The following SMARCA2 variants were observed in gnomAD, a reference collection of about 807,000 sequenced individuals.
SMARCA2 encodes SWI/SNF-related matrix-associated actin-dependent regulator of chromatin subfamily A member 2.
Under a neutral mutation model 199.8 loss-of-function variants are expected in SMARCA2, and 61 were observed. The observed-to-expected ratio is 0.31, with a 90% CI of 0.25 to 0.38. The LOEUF is 0.38. SMARCA2 is among the 10% of genes least tolerant of loss of function. The pLI, the probability that SMARCA2 is intolerant of heterozygous loss-of-function variation, is 1.00. For missense variants in SMARCA2, 1,344 were observed against 2,012.2 expected, an observed-to-expected ratio of 0.67 and a Z score of 6.35; for synonymous variants, 935 against 732.0, an observed-to-expected ratio of 1.28 and a Z score of -4.48.
chr9:2,059,183 A>G (rs1820478917), intron 8 of SMARCA2, among the ~76,000 whole-genome samples: 1 of 152,000 alleles, frequency 6.6e-6, no homozygotes, highest in East Asian at 1.9e-4. Flanking sequence ...TGTGTGTGTG[A>G]TGTTATAATT....
chr9:2,035,870 A>T (rs1418546634), intron 3 of SMARCA2, among the ~76,000 whole-genome samples: 1 of 152,248 alleles, frequency 6.6e-6, no homozygotes, highest in East Asian at 1.9e-4. Context: ...AGTATAATGC[A>T]GTCCTATTTT....
chr9:2,051,872 T>G (rs1232702712), intron 5 of SMARCA2, among the ~76,000 whole-genome samples: 1 of 152,252 alleles, frequency 6.6e-6, no homozygotes, highest in African/African-American at 2.4e-5. Flanking sequence ...GTGGATTTTT[T>G]TCTTTACATC....
At position 2,100,096 on chromosome 9, in the gene SMARCA2, C is replaced by T. The variant is rs191257426; in HGVS notation, c.3079-1474C>T. On this transcript the variant is annotated intron_variant, in intron 21 of 33. Transcript: ENST00000349721. ...CCCTTGGAGGAAAAGCTGCAGGGAT[C>T]CAGGGAGGAGGGAAAGCAGAAAAGG... 4.2e-3 allele frequency among the ~76,000 whole-genome samples: 643 copies of T among 152,180 alleles called. 17 individuals are homozygous for T. The highest frequency in any genetic ancestry group is 0.04 in the Admixed American group (610 of 15,284).
chr9:2,033,069 C>A lies in SMARCA2; in HGVS notation c.343C>A (p.Gln115Lys). 6.2e-7 allele frequency: 1 copy of A among 1,614,064 alleles called. No homozygotes were observed. The highest frequency in any genetic ancestry group is 8.5e-7 in the Non-Finnish European group (1 of 1,179,962). ...GMGPPQSPMDQHSQGYMSPHP... is the reference protein window; with the variant it reads ...GMGPPQSPMDKHSQGYMSPHP... The stretch of plus-strand genomic sequence containing the variant: ...GGGCCCTCCCCAGAGTCCAATGGAT[C>A]AACACAGCCAAGGTTTGTGTCCGCT... Residue 115 changes from glutamine (Q) to lysine (K), a missense_variant, in exon 3 of 34, where the codon CAA becomes AAA. Coordinates refer to ENST00000349721, the MANE Select transcript of SMARCA2 (RefSeq NM_003070.5).
intron 19 of SMARCA2, among the ~76,000 whole-genome samples, chr9:2,094,290 AG>A (rs1374781734): frequency 6.6e-6 from 1 of 152,230 alleles, no homozygotes; most frequent in Non-Finnish European, 1.5e-5. Context: ...AGCAGCCATC[AG>A]GTCCTTGAGA....
chr9:2,173,808 G>T (rs1016710441), intron 29 of SMARCA2, among the ~76,000 whole-genome samples: 2 of 152,124 alleles, frequency 1.3e-5, no homozygotes, highest in African/African-American at 4.8e-5. Context: ...TTTGACCAAA[G>T]AACCCCCTTT....
intron 5 of SMARCA2, among the ~76,000 whole-genome samples, chr9:2,050,736 C>T (rs1321070172): frequency 6.6e-6 from 1 of 152,024 alleles, no homozygotes; most frequent in Non-Finnish European, 1.5e-5. Context: ...CACACACGCT[C>T]TCTTTTTAAA....
chr9:2,028,789 T>A (rs1208306645), intron 1 of SMARCA2, among the ~76,000 whole-genome samples, 198 bp from the exon 2 acceptor site: 1 of 152,168 alleles, frequency 6.6e-6, no homozygotes, highest in Non-Finnish European at 1.5e-5. Flanking sequence ...GTGTGTGTGT[T>A]TTTTTTAAAC....
chr9:2,151,332 C>A (rs886947073), intron 27 of SMARCA2, among the ~76,000 whole-genome samples: 10 of 151,470 alleles, frequency 6.6e-5, no homozygotes, highest in Admixed American at 3.3e-4. Context: ...TGCAAAGAAA[C>A]AGGTAGTAGT....
chr9:2,105,816 G>A (rs537130155), intron 23 of SMARCA2, among the ~76,000 whole-genome samples: 4 of 152,284 alleles, frequency 2.6e-5, no homozygotes, highest in South Asian at 4.1e-4. Context: ...TGAACTGACA[G>A]CCCCACACAG....
chr9:2,138,887 C>T (rs1824332942), intron 27 of SMARCA2, among the ~76,000 whole-genome samples: 1 of 152,096 alleles, frequency 6.6e-6, no homozygotes, highest in South Asian at 2.1e-4. Flanking sequence ...GGAACTGAAA[C>T]TCAGAGGGGT....
chr9:2,071,301 T>C (rs974658069), intron 10 of SMARCA2, among the ~76,000 whole-genome samples: 1 of 152,210 alleles, frequency 6.6e-6, no homozygotes, highest in Non-Finnish European at 1.5e-5. Context: ...GAACAATAAA[T>C]GTTACTTAAC....
intron 4 of SMARCA2, chr9:2,044,026 C>G (rs1338524266): frequency 6.6e-6 from 1 of 152,222 alleles, no homozygotes; most frequent in Non-Finnish European, 1.5e-5. Context: ...TGTCAAGTAG[C>G]AGGCCACCGG....
chr9:2,146,694 G>T lies in SMARCA2; in HGVS notation c.3982-14992G>T, dbSNP rs574345715. Reference sequence around the variant, plus strand: ...CTGCTGCTTGCCCATTTTTGTGGTGGTTTTTTGATGATATGCTAAATAAAG... The same window carrying T: ...CTGCTGCTTGCCCATTTTTGTGGTGTTTTTTTGATGATATGCTAAATAAAG... On this transcript the variant is annotated intron_variant, in intron 27 of 33. Coordinates refer to ENST00000349721, the MANE Select transcript of SMARCA2 (RefSeq NM_003070.5). Among the ~76,000 whole-genome samples the T allele has an allele frequency of 5.3e-5, 8 of 152,314 alleles. No homozygotes were observed. The South Asian group carries it at 1.4e-3, about 28-fold the overall frequency.
At chr9:2,023,842 A>G (rs759103597) in intron 1 of SMARCA2, among the ~76,000 whole-genome samples, 1 of 152,248 alleles carries the variant, frequency 6.6e-6, no homozygotes, top group Non-Finnish European at 1.5e-5. Context: ...AACAAGAGGC[A>G]GCCCTTCAGG....
At position 2,193,126 on chromosome 9, in the gene SMARCA2, C is replaced by A; in HGVS notation, c.*387C>A. On this transcript the variant is annotated 3_prime_UTR_variant, in exon 34 of 34. Transcript: ENST00000349721. ...TGTAGCACTGATAACCAGGAGAAGCCATTAAAAGCCACTGGTTATTTTATT... is the reference window on the plus strand; with the variant it reads ...TGTAGCACTGATAACCAGGAGAAGCAATTAAAAGCCACTGGTTATTTTATT... 1 of 170,820 alleles carries A rather than the reference C, an allele frequency of 5.9e-6. No individual in the cohort carries two copies. The highest frequency in any genetic ancestry group is 1.2e-5 in the Non-Finnish European group (1 of 80,478). 10.6% of individuals were successfully genotyped at this position (170,820 alleles called of 1,614,324 possible). A position where few individuals can be genotyped will look rare whatever the true frequency, so the allele number is the denominator to read the frequency against.
intron 28 of SMARCA2, among the ~76,000 whole-genome samples, chr9:2,163,666 T>A (rs571735627): frequency 1.0e-3 from 152 of 152,324 alleles, no homozygotes; most frequent in Non-Finnish European, 1.7e-3. Flanking sequence ...GAGTGTAACG[T>A]CTGTTTCTCT....
At chr9:2,035,425 TC>T (rs1343866332) in intron 3 of SMARCA2, among the ~76,000 whole-genome samples, 3 of 152,228 alleles carry the variant, frequency 2.0e-5, no homozygotes, top group Non-Finnish European at 4.4e-5. Context: ...CTTTTTCTGC[TC>T]CTGTTGTTGC....
chr9:2,151,438 G>A (rs112277576), intron 27 of SMARCA2, among the ~76,000 whole-genome samples: 4,792 of 151,438 alleles, frequency 0.032, 321 homozygotes, highest in African/African-American at 0.11. Context: ...GCTACAGTAC[G>A]AACCAGATTG....
Sources: allele counts gnomAD v4.1 joint callset (sites outside exome capture counted in the v4.1 genomes callset), GRCh38; gene constraint gnomAD v4.1.1; transcripts MANE v1.5; gene names NCBI Gene and HGNC (gene_info 2026-07-23, HGNC 2026-07-21).